DOCK9: variants seen among roughly 807,000 people sequenced by gnomAD.
The protein encoded by DOCK9 is dedicator of cytokinesis protein 9.
A neutral mutation model predicts 263.3 loss-of-function variants in DOCK9; 89 were observed. That is an observed-to-expected ratio of 0.34 (90% confidence interval 0.28 to 0.40). The LOEUF (loss-of-function observed/expected upper bound fraction) is 0.40. DOCK9 is among the 10% of genes least tolerant of loss of function. The pLI is 1.00. For missense variants in DOCK9, 2,140 were observed against 2,603.4 expected (o/e 0.82, Z 3.87); for synonymous variants, 976 against 973.1 (o/e 1.00, Z -0.06).
Position 98,905,778 on chromosome 13 carries a change from T to TA in DOCK9, c.961-1073dup, listed in dbSNP as rs60175188. Among the ~76,000 whole-genome samples the TA allele has an allele frequency of 4.5e-3, 664 of 148,458 alleles. 3 individuals are homozygous for TA. The highest frequency in any genetic ancestry group is 0.014 in the African/African-American group (555 of 40,440). Reference sequence around the variant, plus strand: ...CTTTCTTAATAAACTTGCTTTCACTTAAAAAAAAAAAAAAAGGATTGGGGA... The same window carrying TA: ...CTTTCTTAATAAACTTGCTTTCACTTAAAAAAAAAAAAAAAAGGATTGGGGA... On this transcript the variant is annotated intron_variant, in intron 9 of 52. Transcript: ENST00000682017.
At chr13:99,081,119 T>C (rs2042105914) in intron 1 of DOCK9, among the ~76,000 whole-genome samples, 1 of 152,172 alleles carries the variant, frequency 6.6e-6, no homozygotes. Context: ...TTTTCTCCAC[T>C]GGAGGGTGGA....
chr13:98,858,092 C>T (rs2093752181), intron 33 of DOCK9: 1 of 151,956 alleles, frequency 6.6e-6, no homozygotes, highest in African/African-American at 2.4e-5. Flanking sequence ...TAATTTAAGA[C>T]AAACAGATGG....
intron 1 of DOCK9, among the ~76,000 whole-genome samples, chr13:98,983,244 T>C (rs1877640405): frequency 6.6e-6 from 1 of 152,048 alleles, no homozygotes; most frequent in Admixed American, 6.6e-5. Flanking sequence ...AAGTAGAAAT[T>C]AAGAAAAAAT....
intron 2 of DOCK9, among the ~76,000 whole-genome samples, chr13:98,933,898 T>C (rs1383968820): frequency 6.9e-6 from 1 of 145,450 alleles, no homozygotes; most frequent in Non-Finnish European, 1.6e-5. Flanking sequence ...GTTGTTGTTG[T>C]TGTTGTTGTT....
intron 20 of DOCK9, 88 bp downstream of exon 20, chr13:98,885,619 CA>C: frequency 7.1e-7 from 1 of 1,410,444 alleles, no homozygotes; most frequent in Non-Finnish European, 9.4e-7. Context: ...GATCCCTTTG[CA>C]AAAAGATGGA....
At chr13:99,050,400 A>G (rs1015408323) in intron 1 of DOCK9, among the ~76,000 whole-genome samples, 1 of 152,130 alleles carries the variant, frequency 6.6e-6, no homozygotes, top group African/African-American at 2.4e-5. Context: ...CTCCCATCCA[A>G]TCAACATGTC....
chr13:98,881,046 G>C (rs1461943891), intron 25 of DOCK9, among the ~76,000 whole-genome samples: 1 of 152,144 alleles, frequency 6.6e-6, no homozygotes, highest in African/African-American at 2.4e-5. Context: ...AACAGAATAT[G>C]TGCATCTGTT....
chr13:98,906,295 G>A (rs1286464291), intron 9 of DOCK9, among the ~76,000 whole-genome samples: 1 of 152,104 alleles, frequency 6.6e-6, no homozygotes, highest in African/African-American at 2.4e-5. Context: ...ACATTGAAGA[G>A]GTGGACAGAA....
In DOCK9 at chr13:98,829,679, G is replaced by A. The variant is rs767460830; in HGVS notation, c.4713C>T (p.Ile1571=). Residue 1571 remains isoleucine, a synonymous_variant, in exon 42 of 53, where the codon ATC becomes ATT. Coordinates refer to ENST00000682017, the MANE Select transcript of DOCK9 (RefSeq NM_001366683.2). This position sits in a 1 kb window ranked among gnomAD's most constrained non-coding sequence, Gnocchi z 4.1. The part of the protein sequence containing the change: ...GGTRFQQSLS[I]INNCANSDRL... Reference sequence around the variant, plus strand: ...GGTCACTGTTGGCACAGTTGTTGATGATGGACAGGGACTGCTGGAATCTGG... The same window carrying A: ...GGTCACTGTTGGCACAGTTGTTGATAATGGACAGGGACTGCTGGAATCTGG... 15 of 1,609,362 alleles carry A rather than the reference G, an allele frequency of 9.3e-6. No individual in the cohort carries two copies. Among genetic ancestry groups the A allele is most frequent in the Non-Finnish European group, 1.2e-5 (14 of 1,177,880 alleles).
chr13:98,989,343 G>GATC (rs1367507507), intron 1 of DOCK9, among the ~76,000 whole-genome samples: 1 of 121,298 alleles, frequency 8.2e-6, no homozygotes, highest in East Asian at 2.1e-4. Flanking sequence ...TGATGATGAT[G>GATC]ATGATAATAA....
chr13:99,071,866 C>T (rs188006598), intron 1 of DOCK9, among the ~76,000 whole-genome samples: 5 of 152,236 alleles, frequency 3.3e-5, no homozygotes, highest in Admixed American at 1.3e-4. Flanking sequence ...GACTGTCTGA[C>T]GTCAACTTCT....
At chr13:98,898,078 T>C (rs1301994469) in intron 14 of DOCK9, 101 bp downstream of exon 14, 2 of 832,322 alleles carry the variant, frequency 2.4e-6, no homozygotes, top group East Asian at 2.7e-5. Context: ...GTTTTACACA[T>C]TCAAATCCTC....
intron 1 of DOCK9, among the ~76,000 whole-genome samples, chr13:98,969,552 T>G (rs1199276834): frequency 1.3e-5 from 2 of 152,112 alleles, no homozygotes; most frequent in East Asian, 3.8e-4. Context: ...AGAAGCCCCG[T>G]TAGTGAGGGA....
At chr13:99,028,328 G>C (rs1011636145) in intron 1 of DOCK9, among the ~76,000 whole-genome samples, 7 of 152,070 alleles carry the variant, frequency 4.6e-5, no homozygotes, top group Non-Finnish European at 7.4e-5. Flanking sequence ...TCCTTCATCA[G>C]GGCAGCTCTT....
At chr13:98,827,495 T>C (rs1384094411) in intron 43 of DOCK9, among the ~76,000 whole-genome samples, 1 of 152,244 alleles carries the variant, frequency 6.6e-6, no homozygotes, top group Non-Finnish European at 1.5e-5. Flanking sequence ...CCTGCAAGGT[T>C]CTAATGCATG....
intron 1 of DOCK9, among the ~76,000 whole-genome samples, chr13:98,962,412 T>C (rs956093737): frequency 5.3e-5 from 8 of 152,190 alleles, no homozygotes; most frequent in Admixed American, 1.3e-4. Flanking sequence ...GTAAGCTTTG[T>C]CCCTCACAAA....
intron 1 of DOCK9, among the ~76,000 whole-genome samples, chr13:99,008,812 A>G (rs934893178): frequency 4.6e-5 from 7 of 152,186 alleles, no homozygotes; most frequent in African/African-American, 1.4e-4. Flanking sequence ...TTAAGGCCAC[A>G]GTACTATAAG....
intron 1 of DOCK9, among the ~76,000 whole-genome samples, chr13:99,038,418 C>T (rs576055078): frequency 3.3e-5 from 5 of 150,250 alleles, no homozygotes; most frequent in African/African-American, 1.2e-4. Flanking sequence ...GATTCTCCTG[C>T]CTCAGCCTCC....
chr13:98,804,944 C>A (rs1313684861), intron 49 of DOCK9, 55 bp downstream of exon 49: 1 of 1,539,288 alleles, frequency 6.5e-7, no homozygotes, highest in South Asian at 1.2e-5. Flanking sequence ...TCCCTCTGGA[C>A]AGCTCTTTGG....
Sources: gnomAD v4.1 joint callset for allele counts (sites outside exome capture counted in the v4.1 genomes callset) on GRCh38, gnomAD v4.1.1 for gene constraint, Gnocchi (gnomAD v3.1) non-coding constraint, MANE v1.5 for transcripts, NCBI Gene and HGNC (gene_info 2026-07-23, HGNC 2026-07-21) for gene names.